Variants in ZNF329 observed in about 807,000 individuals in gnomAD.
ZNF329 encodes zinc finger protein 329.
In ZNF329, 15 loss-of-function variants were observed where a neutral mutation model predicts 26.6. That is an observed-to-expected ratio of 0.56 (90% CI 0.38 to 0.87). ZNF329 has a LOEUF of 0.87. ZNF329 is among the 40% of genes least tolerant of loss of function. The probability of loss-of-function intolerance (pLI) is 0.00; values close to 1 mark genes in which losing one functional copy is unlikely to be tolerated. For missense variants in ZNF329, 651 were observed against 651.9 expected, an observed-to-expected ratio of 1.00 and a Z score of 0.02; for synonymous variants, 239 against 233.5, an observed-to-expected ratio of 1.02 and a Z score of -0.21.
chr19:58,140,498 C>T (rs969272122), intron 3 of ZNF329, among the ~76,000 whole-genome samples: 2 of 151,220 alleles, frequency 1.3e-5, no homozygotes, highest in African/African-American at 2.4e-5. Context: ...CTGCAAGCTC[C>T]GTCTCCCGGG....
intron 1 of ZNF329, among the ~76,000 whole-genome samples, chr19:58,149,638 T>TG (rs2075404614): frequency 6.6e-6 from 1 of 152,028 alleles, no homozygotes. Context: ...TCACTTGCTG[T>TG]GGGAAAAAAG....
At chr19:58,144,374 ATCTATC>A (rs1299441663) in intron 1 of ZNF329, among the ~76,000 whole-genome samples, 15 of 73,884 alleles carry the variant, frequency 2.0e-4, no homozygotes, top group Non-Finnish European at 3.0e-4. Flanking sequence ...CTATCTATCT[ATCTATC>A]TATATATATA....
intron 1 of ZNF329, among the ~76,000 whole-genome samples, chr19:58,147,611 C>A (rs542390951): frequency 6.9e-6 from 1 of 144,360 alleles, no homozygotes; most frequent in Non-Finnish European, 1.5e-5. Flanking sequence ...GTCAGCCCTC[C>A]GCCTGGCCAG....
At chr19:58,150,859 G>C (rs946920977), upstream of ZNF329, 6 of 152,652 alleles carry the variant, frequency 3.9e-5, no homozygotes, top group African/African-American at 1.4e-4. Flanking sequence ...CCCAACGCTG[G>C]GGCGGCCGCG....
chr19:58,148,650 C>G lies in ZNF329; in HGVS notation c.-208+2102G>C, dbSNP rs376197765. Among the ~76,000 whole-genome samples the G allele has an allele frequency of 2.0e-5, 3 of 152,000 alleles. No individual in the cohort carries two copies. In the East Asian group the frequency reaches 5.8e-4, roughly 29 times the overall value. On this transcript the variant is annotated intron_variant, in intron 1 of 3. Coordinates refer to ENST00000598312, the MANE Select transcript of ZNF329 (RefSeq NM_024620.4). ...GGAGGACTGCTTAAGACCAGGAGTT[C>G]AAGAACAGTCTGGGCAACATAGTGA...
At position 58,129,426 on chromosome 19, in the gene ZNF329, C is replaced by A; in HGVS notation, c.78G>T (p.Arg26Ser). The change falls in exon 4 of 4, where the codon AGG (arginine) becomes AGT (serine). Residue 26 changes from arginine (R) to serine (S), a missense_variant. Transcript: ENST00000598312. ...CTAAACTGGACAAGCAGGGAACTTC[C>A]CTTGTGAATCTTTCCACTTCTACAT... Reference protein sequence around the residue: ...PCDVEVERFTREVPCLSSLGD... With the variant: ...PCDVEVERFTSEVPCLSSLGD... 6.2e-7 allele frequency: 1 copy of A among 1,614,106 alleles called. No individual in the cohort carries two copies. Among genetic ancestry groups the A allele is most frequent in the Non-Finnish European group, 8.5e-7 (1 of 1,180,010 alleles).
chr19:58,135,614 T>C (rs1467428111), intron 3 of ZNF329, among the ~76,000 whole-genome samples: 1 of 152,042 alleles, frequency 6.6e-6, no homozygotes, highest in Non-Finnish European at 1.5e-5. Context: ...CGCAGAAGAA[T>C]GGAAAAGAGT....
chr19:58,152,963 T>C (rs1600109243), upstream of ZNF329, among the ~76,000 whole-genome samples: 2 of 151,682 alleles, frequency 1.3e-5, no homozygotes, highest in South Asian at 2.1e-4. Context: ...AATAGAAGAG[T>C]ATGCAAGAAG....
At chr19:58,130,681 A>AG (rs966333008) in intron 3 of ZNF329, among the ~76,000 whole-genome samples, 1 of 145,392 alleles carries the variant, frequency 6.9e-6, no homozygotes, top group African/African-American at 2.5e-5. Context: ...CTCAAAAAAA[A>AG]AAAAAAAAAA....
chr19:58,145,907 G>C (rs1245877343), intron 1 of ZNF329, among the ~76,000 whole-genome samples: 1 of 150,124 alleles, frequency 6.7e-6, no homozygotes, highest in Non-Finnish European at 1.5e-5. Flanking sequence ...CCAAAGACGA[G>C]AGTCTGAATT....
rs901084363 is a variant in ZNF329 at position 58,144,853 on chromosome 19, T to A, written c.-207-1655A>T. Among the ~76,000 whole-genome samples, 218 of 129,564 alleles carry A rather than the reference T, an allele frequency of 1.7e-3. 2 individuals carry two copies. The highest frequency in any genetic ancestry group is 8.4e-3 in the African/African-American group (214 of 25,424). The allele number at this position is 129,564 out of a possible 152,430, so 85.0% of individuals were successfully genotyped here. A position where few individuals can be genotyped will look rare whatever the true frequency, so the allele number is the denominator to read the frequency against. On this transcript the variant is annotated intron_variant, in intron 1 of 3. Coordinates refer to ENST00000598312, the MANE Select transcript of ZNF329 (RefSeq NM_024620.4). ...TCACACCTGGATAATTTTTTTTCTT[T>A]TTTTTTTTTTTTTTGATACAGAGTT...
upstream of ZNF329, among the ~76,000 whole-genome samples, chr19:58,150,971 T>C (rs147725654): frequency 3.8e-4 from 58 of 152,404 alleles, 2 homozygotes; most frequent in East Asian, 9.4e-3. Flanking sequence ...CCCGATGCTA[T>C]CATTCTTTTG....
chr19:58,146,031 T>C (rs2075302277), intron 1 of ZNF329, among the ~76,000 whole-genome samples: 3 of 148,874 alleles, frequency 2.0e-5, no homozygotes, highest in Admixed American at 6.7e-5. Context: ...GAGAGTGCCA[T>C]TCAAGGTTGA....
intron 3 of ZNF329, among the ~76,000 whole-genome samples, chr19:58,141,615 G>C (rs1568669568): frequency 6.6e-6 from 1 of 152,088 alleles, no homozygotes; most frequent in Non-Finnish European, 1.5e-5. Context: ...CTCTTGGCCA[G>C]GTGCAGTGGT....
At chr19:58,152,401 C>T (rs1288947758), upstream of ZNF329, among the ~76,000 whole-genome samples, 2 of 150,262 alleles carry the variant, frequency 1.3e-5, no homozygotes, top group Non-Finnish European at 3.0e-5. Context: ...GTGGCTCATG[C>T]CTGCAATCCT....
At position 58,129,223 on chromosome 19, in the gene ZNF329, G is replaced by T. The variant is rs531923322; in HGVS notation, c.281C>A (p.Pro94His). 6.2e-7 allele frequency: 1 copy of T among 1,614,194 alleles called. No homozygotes were observed. Among genetic ancestry groups the T allele is most frequent in the Admixed American group, 1.7e-5 (1 of 60,018 alleles). Residue 94 changes from proline (P) to histidine (H), a missense_variant, in exon 4 of 4, where the codon CCT becomes CAT. By Grantham distance (77) the Pro-to-His change is moderately conservative (BLOSUM62 -2). Transcript: ENST00000598312. The stretch of plus-strand genomic sequence containing the variant: ...ATCCAGACCACTAACATTTGAGTCA[G>T]GTGCATGGAAACCATTTGTTGCCAG... ...RVLATNGFHAPDSNVSGLDCD... is the reference protein window; with the variant it reads ...RVLATNGFHAHDSNVSGLDCD...
chr19:58,147,299 G>A (rs1161866617), intron 1 of ZNF329, among the ~76,000 whole-genome samples: 3 of 151,074 alleles, frequency 2.0e-5, no homozygotes, highest in East Asian at 4.0e-4. Context: ...GAGAAGTGAG[G>A]AGCCCCTCCG....
At position 58,143,525 on chromosome 19, in the gene ZNF329, C is replaced by T. The variant is rs545167195; in HGVS notation, c.-207-327G>A. 3.3e-5 allele frequency among the ~76,000 whole-genome samples: 5 copies of T among 152,248 alleles called. No individual in the cohort carries two copies. The East Asian group carries it at 9.6e-4, about 29-fold the overall frequency. Reference sequence around the variant, plus strand: ...AAAGAGCTAGGAGTAGTTGTTTTGCCAAAGTCAAGGCTCCTCCTTAAAGTT... The same window carrying T: ...AAAGAGCTAGGAGTAGTTGTTTTGCTAAAGTCAAGGCTCCTCCTTAAAGTT... On this transcript the variant is annotated intron_variant, in intron 1 of 3. Transcript: ENST00000598312.
intron 1 of ZNF329, among the ~76,000 whole-genome samples, chr19:58,146,951 G>A (rs1328681855): frequency 2.0e-5 from 3 of 152,150 alleles, no homozygotes; most frequent in African/African-American, 4.8e-5. Flanking sequence ...TGCCGAGAGT[G>A]CAGCCTCTGC....
Sources: gnomAD v4.1 joint callset for allele counts (sites outside exome capture counted in the v4.1 genomes callset) on GRCh38, gnomAD v4.1.1 for gene constraint, MANE v1.5 for transcripts, NCBI Gene and HGNC (gene_info 2026-07-23, HGNC 2026-07-21) for gene names.